OR2AJ1: variants seen among roughly 807,000 people sequenced by gnomAD.
The protein encoded by OR2AJ1 is olfactory receptor family 2 subfamily AJ member 1.
For missense variants in OR2AJ1, 280 were observed against 163.2 expected (o/e 1.72, Z -3.90); for synonymous variants, 105 against 60.3 (o/e 1.74, Z -3.44).
chr1:247,929,060 G>A (rs913696394), intron 1 of OR2AJ1, among the ~76,000 whole-genome samples: 25 of 152,274 alleles, frequency 1.6e-4, no homozygotes, highest in Admixed American at 4.6e-4. Flanking sequence ...CACTCACTCC[G>A]TAATGATTGT....
intron 1 of OR2AJ1, among the ~76,000 whole-genome samples, chr1:247,929,434 T>C (rs931297952): frequency 6.6e-6 from 1 of 152,100 alleles, no homozygotes; most frequent in Non-Finnish European, 1.5e-5. Flanking sequence ...AGCTATCTCA[T>C]TTTCTCCCTC....
In OR2AJ1 at chr1:247,933,758, G is replaced by A. The variant is rs149006744; in HGVS notation, c.-11G>A. The A allele has an allele frequency of 5.3e-6, 3 of 563,590 alleles. No individual in the cohort carries two copies. Among genetic ancestry groups the A allele is most frequent in the African/African-American group, 3.8e-5 (2 of 52,826 alleles). 34.9% of individuals were successfully genotyped at this position (563,590 alleles called of 1,614,324 possible). A position where few individuals can be genotyped will look rare whatever the true frequency, so the allele number is the denominator to read the frequency against. ...TTATTTCTTTTTAGGTTAAAAAATA[G>A]AGAATTCATGATGGGCCATCAGAAT... On this transcript the variant is annotated 5_prime_UTR_variant, in exon 2 of 2. It removes the in-frame stop codon of an upstream open reading frame in the 5' UTR. Transcript: ENST00000318244.
intron 1 of OR2AJ1, among the ~76,000 whole-genome samples, chr1:247,930,109 T>G (rs945079472): frequency 2.6e-5 from 4 of 152,186 alleles, no homozygotes; most frequent in African/African-American, 9.6e-5. Flanking sequence ...AAGTCTGATA[T>G]TTTAAGCTTA....
Position 247,926,969 on chromosome 1 carries a change from G to A in OR2AJ1, c.-23+1801G>A, listed in dbSNP as rs539777532. Among the ~76,000 whole-genome samples, 6 of 152,276 alleles carry A rather than the reference G, an allele frequency of 3.9e-5. No individual in the cohort carries two copies. The South Asian group carries it at 1.0e-3, about 26-fold the overall frequency. Reference sequence around the variant, plus strand: ...AGCCACGGAGTCATTTCCTTGTCAGGCGCACACACCCCATATGCAGTTGAT... The same window carrying A: ...AGCCACGGAGTCATTTCCTTGTCAGACGCACACACCCCATATGCAGTTGAT... On this transcript the variant is annotated intron_variant, in intron 1 of 1. Coordinates refer to ENST00000318244, the MANE Select transcript of OR2AJ1 (RefSeq NM_001355235.2).
rs1169861594 is a variant in OR2AJ1, at chr1:247,934,347, A to T, written c.579A>T (p.Thr193=). Reference sequence around the variant, plus strand: ...TGAAGTTGTCCTGTGCAGACACAACACGCTATGAACGAGGGGTTTGTGTAA... The same window carrying T: ...TGAAGTTGTCCTGTGCAGACACAACTCGCTATGAACGAGGGGTTTGTGTAA... ...AMLKLSCADT[T]RYERGVCVSA... Residue 193 remains threonine, a synonymous_variant, in exon 2 of 2, where the codon ACA becomes ACT. Coordinates refer to ENST00000318244, the MANE Select transcript of OR2AJ1 (RefSeq NM_001355235.2). 1 of 730,504 alleles carries T rather than the reference A, an allele frequency of 1.4e-6. No individual in the cohort carries two copies. The highest frequency in any genetic ancestry group is 1.9e-5 in the Admixed American group (1 of 51,638). 45.3% of individuals were successfully genotyped at this position (730,504 alleles called of 1,614,324 possible). A position where few individuals can be genotyped will look rare whatever the true frequency, so the allele number is the denominator to read the frequency against.
intron 1 of OR2AJ1, among the ~76,000 whole-genome samples, chr1:247,928,198 T>C (rs138295755): frequency 3.3e-5 from 5 of 152,354 alleles, no homozygotes; most frequent in African/African-American, 4.8e-5. Context: ...TTTTTGATAA[T>C]GACCACTCTA....
At position 247,934,284 on chromosome 1, in the gene OR2AJ1, G is replaced by C. The variant is rs555655917; in HGVS notation, c.516G>C (p.Arg172Ser). ...YALQFPFCGSRAIDHFFCEVP... is the reference protein window; with the variant it reads ...YALQFPFCGSSAIDHFFCEVP... ...TGCAGTTTCCCTTCTGTGGCTCTAGGGCAATTGATCACTTCTTCTGTGAAG... is the reference window on the plus strand; with the variant it reads ...TGCAGTTTCCCTTCTGTGGCTCTAGCGCAATTGATCACTTCTTCTGTGAAG... Residue 172 changes from arginine to serine, a missense_variant, in exon 2 of 2, where the codon AGG becomes AGC. Transcript: ENST00000318244. 1.4e-6 allele frequency: 1 copy of C among 733,236 alleles called. No homozygotes were observed. Among genetic ancestry groups the C allele is most frequent in the Non-Finnish European group, 2.5e-6 (1 of 393,760 alleles). The allele number at this position is 733,236 out of a possible 1,614,324, so 45.4% of individuals were successfully genotyped here.
At chr1:247,931,477 C>G (rs561908997) in intron 1 of OR2AJ1, among the ~76,000 whole-genome samples, 2 of 152,052 alleles carry the variant, frequency 1.3e-5, no homozygotes, top group East Asian at 3.9e-4. Flanking sequence ...ACTGGTTAAG[C>G]CAAGAGATAT....
At chr1:247,930,339 G>A (rs1457605736) in intron 1 of OR2AJ1, among the ~76,000 whole-genome samples, 1 of 152,162 alleles carries the variant, frequency 6.6e-6, no homozygotes, top group African/African-American at 2.4e-5. Context: ...AGATCTGGTA[G>A]ATAAATTAAA....
In OR2AJ1 at chr1:247,934,484, C is replaced by T. The variant is rs1436169245; in HGVS notation, c.716C>T (p.Ser239Phe). The change falls in exon 2 of 2, where the codon TCC (serine) becomes TTC (phenylalanine). Residue 239 changes from serine (S) to phenylalanine (F), a missense_variant. Physicochemically the swap from Ser to Phe is radical, Grantham distance 155. Transcript: ENST00000318244. ...KSSEARKKSF[S>F]TCSFHMIVVT... is the part of the protein sequence containing the mutation. ...TCAGAGGCAAGGAAAAAGTCATTTTCCACTTGTTCCTTCCACATGATTGTG... is the reference window on the plus strand; with the variant it reads ...TCAGAGGCAAGGAAAAAGTCATTTTTCACTTGTTCCTTCCACATGATTGTG... The T allele has an allele frequency of 1.4e-6, 1 of 717,498 alleles. No individual in the cohort carries two copies. The highest frequency in any genetic ancestry group is 2.6e-6 in the Non-Finnish European group (1 of 385,098). The allele number at this position is 717,498 out of a possible 1,614,324, so 44.4% of individuals were successfully genotyped here.
intron 1 of OR2AJ1, among the ~76,000 whole-genome samples, chr1:247,927,680 C>CT (rs1257591094): frequency 6.6e-6 from 1 of 152,084 alleles, no homozygotes; most frequent in African/African-American, 2.4e-5. Context: ...CTCTTAGGCC[C>CT]TCGTGTTTCC....
In OR2AJ1 at chr1:247,925,100, G is replaced by A. The variant is rs1660072803; in HGVS notation, c.-91G>A. On this transcript the variant is annotated 5_prime_UTR_variant, in exon 1 of 2. Coordinates refer to ENST00000318244, the MANE Select transcript of OR2AJ1 (RefSeq NM_001355235.2). ...GCAGCTGGACACCATGAGGGAGGAA[G>A]GGGTGTTGAGCCCAGTGTGCTAAAT... is the stretch of plus-strand genomic sequence containing the variant. 1 of 152,430 alleles carries A rather than the reference G, an allele frequency of 6.6e-6. No homozygotes were observed. Among genetic ancestry groups the A allele is most frequent in the Non-Finnish European group, 1.5e-5 (1 of 68,248 alleles). 9.4% of individuals were successfully genotyped at this position (152,430 alleles called of 1,614,324 possible). A position where few individuals can be genotyped will look rare whatever the true frequency, so the allele number is the denominator to read the frequency against.
chr1:247,926,407 G>T (rs1012913798), intron 1 of OR2AJ1, among the ~76,000 whole-genome samples: 2 of 152,174 alleles, frequency 1.3e-5, no homozygotes, highest in Admixed American at 1.3e-4. Context: ...GCTGCCAGTG[G>T]AGAAGTCATA....
chr1:247,930,296 GA>G (rs1226660921), intron 1 of OR2AJ1, among the ~76,000 whole-genome samples: 1 of 152,142 alleles, frequency 6.6e-6, no homozygotes, highest in Non-Finnish European at 1.5e-5. Context: ...AAAATTTAAA[GA>G]AACATGTTGT....
intron 1 of OR2AJ1, among the ~76,000 whole-genome samples, chr1:247,932,830 G>C (rs1256636675): frequency 1.3e-5 from 2 of 151,974 alleles, no homozygotes; most frequent in African/African-American, 4.8e-5. Flanking sequence ...AAACATTTAA[G>C]TAACCACTAT....
At chr1:247,926,751 A>C (rs1200124398) in intron 1 of OR2AJ1, among the ~76,000 whole-genome samples, 3 of 152,210 alleles carry the variant, frequency 2.0e-5, no homozygotes, top group African/African-American at 7.2e-5. Flanking sequence ...TGAGACCACT[A>C]TCAGTCAAAA....
At chr1:247,929,325 C>G (rs1393487815) in intron 1 of OR2AJ1, among the ~76,000 whole-genome samples, 2 of 152,066 alleles carry the variant, frequency 1.3e-5, no homozygotes, top group Non-Finnish European at 2.9e-5. Flanking sequence ...TTCTGATTCA[C>G]GCATTATATT....
chr1:247,930,565 C>G (rs991459500), intron 1 of OR2AJ1, among the ~76,000 whole-genome samples: 1 of 152,144 alleles, frequency 6.6e-6, no homozygotes, highest in Non-Finnish European at 1.5e-5. Context: ...CAGATAGGAA[C>G]AGTTTGATTC....
chr1:247,927,259 A>T (rs531548972), intron 1 of OR2AJ1, among the ~76,000 whole-genome samples: 4 of 152,188 alleles, frequency 2.6e-5, no homozygotes, highest in African/African-American at 9.7e-5. Context: ...CACTATAATA[A>T]GAAAATCGTT....
Sources: gnomAD v4.1 joint callset for allele counts (sites outside exome capture counted in the v4.1 genomes callset) on GRCh38, gnomAD v4.1.1 for gene constraint, MANE v1.5 for transcripts, NCBI Gene and HGNC (gene_info 2026-07-23, HGNC 2026-07-21) for gene names.